The following ZMAT3 variants were observed in gnomAD, a reference collection of about 807,000 sequenced individuals.
ZMAT3 encodes the protein zinc finger matrin-type protein 3.
In ZMAT3, 17 loss-of-function variants were observed where a neutral mutation model predicts 32.3. The observed-to-expected ratio is 0.53, with a 90% CI of 0.36 to 0.79. The LOEUF (loss-of-function observed/expected upper bound fraction) is 0.79, where lower values mean the gene tolerates loss of function less well. Among genes scored for constraint, ZMAT3 ranks in the 30% least tolerant of loss-of-function variants. The pLI is 0.00. For missense variants in ZMAT3, 329 were observed against 359.7 expected, an observed-to-expected ratio of 0.91 and a Z score of 0.69; for synonymous variants, 120 against 133.1, an observed-to-expected ratio of 0.90 and a Z score of 0.68.
chr3:179,030,778 T>G (rs1262284754), intron 3 of ZMAT3, 102 bp downstream of exon 3: 3 of 1,476,762 alleles, frequency 2.0e-6, no homozygotes, highest in Non-Finnish European at 2.7e-6. Flanking sequence ...TTTTCCCAAC[T>G]GTACCCTAAT....
intron 2 of ZMAT3, among the ~76,000 whole-genome samples, chr3:179,065,143 C>T (rs1329928715): frequency 1.3e-5 from 2 of 152,144 alleles, no homozygotes; most frequent in Non-Finnish European, 2.9e-5. Flanking sequence ...TTTCTGTAAG[C>T]TCCTACTTTC....
intron 2 of ZMAT3, among the ~76,000 whole-genome samples, chr3:179,051,289 G>C (rs1225409958): frequency 1.3e-5 from 2 of 152,158 alleles, no homozygotes; most frequent in African/African-American, 4.8e-5. Context: ...ATTCAGCAAA[G>C]TTTTAGGATA....
intron 2 of ZMAT3, among the ~76,000 whole-genome samples, chr3:179,034,897 G>A (rs965169064): frequency 6.6e-6 from 1 of 152,104 alleles, no homozygotes; most frequent in Non-Finnish European, 1.5e-5. Flanking sequence ...TCTCTCCATG[G>A]ATACTACAAA....
chr3:179,054,952 G>C (rs1341895085), intron 2 of ZMAT3, among the ~76,000 whole-genome samples: 1 of 152,120 alleles, frequency 6.6e-6, no homozygotes, highest in Admixed American at 6.5e-5. Context: ...GCTTCTAATA[G>C]AGCTATAATA....
intron 2 of ZMAT3, among the ~76,000 whole-genome samples, chr3:179,044,797 T>C (rs1720140220): frequency 6.6e-6 from 1 of 152,040 alleles, no homozygotes; most frequent in Non-Finnish European, 1.5e-5. Context: ...ACCAAATACC[T>C]TATGTTCTCA....
At chr3:179,034,490 C>T (rs1719475596) in intron 2 of ZMAT3, among the ~76,000 whole-genome samples, 1 of 152,232 alleles carries the variant, frequency 6.6e-6, no homozygotes, top group Admixed American at 6.5e-5. Flanking sequence ...TCCAAGGACG[C>T]ACCCTTAGCC....
At position 179,071,684 on chromosome 3, in the gene ZMAT3, T is replaced by A. The variant is rs1158335041; in HGVS notation, c.-147A>T. The A allele has an allele frequency of 6.6e-6, 1 of 152,302 alleles. No homozygotes were observed. Among genetic ancestry groups the A allele is most frequent in the African/African-American group, 2.4e-5 (1 of 41,308 alleles). 9.4% of individuals were successfully genotyped at this position (152,302 alleles called of 1,614,324 possible). ...CCCTGCGCGCCCGGCTCGGCCCAGC[T>A]CGACCCAGCCTCTTCTCGGAGCAAC... is the stretch of plus-strand genomic sequence containing the variant. On this transcript the variant is annotated 5_prime_UTR_variant, in exon 1 of 6. Transcript: ENST00000311417.
chr3:179,026,501 C>T (rs1242125046), intron 5 of ZMAT3, among the ~76,000 whole-genome samples: 1 of 151,124 alleles, frequency 6.6e-6, no homozygotes, highest in East Asian at 1.9e-4. Context: ...ATTCTCCTGC[C>T]TCAGCCTCCC....
In ZMAT3 at chr3:179,018,521, G is replaced by T. The variant is rs1408712005; in HGVS notation, c.*6496C>A. On this transcript the variant is annotated 3_prime_UTR_variant, in exon 6 of 6. Transcript: ENST00000311417. ...CCCAAAGGAAGTGTTCAGTTACTTT[G>T]GAAGCCATGAATTTTATCAAACACA... 6.6e-6 allele frequency: 1 copy of T among 151,910 alleles called. No individual in the cohort carries two copies. Among genetic ancestry groups the T allele is most frequent in the African/African-American group, 2.4e-5 (1 of 41,378 alleles). 9.4% of individuals were successfully genotyped at this position (151,910 alleles called of 1,614,324 possible). A position where few individuals can be genotyped will look rare whatever the true frequency, so the allele number is the denominator to read the frequency against.
intron 1 of ZMAT3, among the ~76,000 whole-genome samples, chr3:179,069,987 A>G (rs185264375): frequency 6.6e-6 from 1 of 152,314 alleles, no homozygotes. Context: ...ATTTTAGAAA[A>G]CGGAACTAAG....
Position 179,027,500 on chromosome 3 carries a change from C to T in ZMAT3, c.581G>A (p.Arg194Gln), listed in dbSNP as rs756488317. Residue 194 changes from arginine (R) to glutamine (Q), a missense_variant, in exon 5 of 6, where the codon CGG (arginine) becomes CAG (glutamine). Physicochemically the swap from Arg to Gln is conservative, Grantham distance 43. Coordinates refer to ENST00000311417, the MANE Select transcript of ZMAT3 (RefSeq NM_022470.4). ...SFSESSELGQ[R>Q]RARKEGNEFK... is the part of the protein sequence containing the mutation. ...CTCATTCCCTTCTTTCCTGGCCCGC[C>T]GTTGACCCAGCTCTGAGGATTCCCT... The T allele has an allele frequency of 3.1e-6, 5 of 1,614,190 alleles. No individual in the cohort carries two copies. The highest frequency in any genetic ancestry group is 2.2e-5 in the South Asian group (2 of 91,080).
chr3:179,042,010 A>G (rs1214596243), intron 2 of ZMAT3, among the ~76,000 whole-genome samples: 1 of 152,226 alleles, frequency 6.6e-6, no homozygotes, highest in Non-Finnish European at 1.5e-5. Flanking sequence ...TCCTGGGCAC[A>G]TACACCCTCC....
chr3:179,045,846 G>T (rs1433144368), intron 2 of ZMAT3, among the ~76,000 whole-genome samples: 1 of 152,180 alleles, frequency 6.6e-6, no homozygotes, highest in African/African-American at 2.4e-5. Context: ...AACCAAAAAA[G>T]GGAGTAGTTC....
At chr3:179,060,866 AG>A (rs1721120386) in intron 2 of ZMAT3, among the ~76,000 whole-genome samples, 1 of 152,068 alleles carries the variant, frequency 6.6e-6, no homozygotes, top group Non-Finnish European at 1.5e-5. Context: ...CACCAAAAAA[AG>A]AATAAGAATC....
intron 1 of ZMAT3, 105 bp from the exon 2 acceptor site, chr3:179,067,914 C>T: frequency 9.1e-7 from 1 of 1,104,034 alleles, no homozygotes; most frequent in Admixed American, 2.9e-5. Context: ...TTCTACTTCT[C>T]CAAACCCATC....
rs552197419 is a variant in ZMAT3 at position 179,022,820 on chromosome 3, C to G, written c.*2197G>C. On this transcript the variant is annotated 3_prime_UTR_variant, in exon 6 of 6. Transcript: ENST00000311417. ...GGATACTATACAAGGGTTAATCACA[C>G]AAAACTCGTTTTTAAACATGGGTCT... 8.5e-5 allele frequency: 13 copies of G among 152,164 alleles called. No homozygotes were observed. In the South Asian group the frequency reaches 2.5e-3, roughly 29 times the overall value. 9.4% of individuals were successfully genotyped at this position (152,164 alleles called of 1,614,324 possible).
At chr3:179,030,287 T>G (rs1719105574) in intron 3 of ZMAT3, among the ~76,000 whole-genome samples, 1 of 151,932 alleles carries the variant, frequency 6.6e-6, no homozygotes, top group African/African-American at 2.4e-5. Context: ...AAGGAACACA[T>G]GTTTGAAAAT....
At chr3:179,062,599 G>A (rs1463345343) in intron 2 of ZMAT3, among the ~76,000 whole-genome samples, 1 of 152,194 alleles carries the variant, frequency 6.6e-6, no homozygotes. Context: ...AGCTAGAAAA[G>A]CCTACAGAGC....
At position 179,040,355 on chromosome 3, in the gene ZMAT3, G is replaced by C. The variant is rs548648942; in HGVS notation, c.271-9356C>G. Among the ~76,000 whole-genome samples the C allele has an allele frequency of 3.3e-5, 5 of 152,272 alleles. No individual in the cohort carries two copies. The South Asian group carries it at 1.0e-3, about 32-fold the overall frequency. On this transcript the variant is annotated intron_variant, in intron 2 of 5. Coordinates refer to ENST00000311417, the MANE Select transcript of ZMAT3 (RefSeq NM_022470.4). ...GAGAAAGGTCGAGTTACCCACAAAG[G>C]GAAACCCATCAGACTAACAGCGGAT...
Sources: allele counts gnomAD v4.1 joint callset (sites outside exome capture counted in the v4.1 genomes callset), GRCh38; gene constraint gnomAD v4.1.1; transcripts MANE v1.5; gene names NCBI Gene and HGNC (gene_info 2026-07-23, HGNC 2026-07-21).